Variants in MACROD1 observed in about 807,000 individuals in gnomAD.
MACROD1 encodes mono-ADP ribosylhydrolase 1.
In MACROD1, 31 loss-of-function variants were observed where a neutral mutation model predicts 41.4. The observed-to-expected ratio is 0.75, with a 90% CI of 0.56 to 1.01. The LOEUF (loss-of-function observed/expected upper bound fraction) is 1.01. Among genes scored for constraint, MACROD1 ranks in the 50% least tolerant of loss-of-function variants. The probability of loss-of-function intolerance (pLI) is 0.00; values close to 1 mark genes in which losing one functional copy is unlikely to be tolerated. For synonymous variants in MACROD1, 252 were observed against 203.4 expected (o/e 1.24, Z -2.03); for missense variants, 473 against 460.0 (o/e 1.03, Z -0.26).
intron 3 of MACROD1, among the ~76,000 whole-genome samples, chr11:64,074,051 G>A (rs1012990381): frequency 5.3e-5 from 8 of 152,180 alleles, no homozygotes; most frequent in Non-Finnish European, 8.8e-5. Flanking sequence ...CTGTCAGCCC[G>A]GCCAGCTGGG....
At chr11:64,020,299 AG>A (rs752541139) in intron 3 of MACROD1, among the ~76,000 whole-genome samples, 3 of 152,190 alleles carry the variant, frequency 2.0e-5, no homozygotes, top group Non-Finnish European at 4.4e-5. Context: ...CCTGTTTTAC[AG>A]ATGAGGACGC....
intron 3 of MACROD1, among the ~76,000 whole-genome samples, chr11:64,078,515 C>G (rs1369522233): frequency 1.3e-5 from 2 of 152,188 alleles, no homozygotes; most frequent in Non-Finnish European, 2.9e-5. Context: ...CTTGCAGCAT[C>G]GGAGGGATAC....
At chr11:64,086,862 A>C (rs1025135686) in intron 3 of MACROD1, 10 of 152,140 alleles carry the variant, frequency 6.6e-5, no homozygotes, top group Admixed American at 6.5e-4. Flanking sequence ...CTGGGGATGG[A>C]GCTGGGAGGG....
At chr11:63,999,486 G>A (rs772353394) in intron 7 of MACROD1, 44 bp downstream of exon 7, 4 of 1,582,792 alleles carry the variant, frequency 2.5e-6, no homozygotes, top group Non-Finnish European at 3.4e-6. Flanking sequence ...CCGGCGTCTG[G>A]GTCCACCGCC....
chr11:64,056,605 G>A (rs761159153), intron 3 of MACROD1, among the ~76,000 whole-genome samples: 1 of 152,234 alleles, frequency 6.6e-6, no homozygotes, highest in South Asian at 2.1e-4. Flanking sequence ...CCCTGAGTCC[G>A]GATGGCAGCA....
intron 2 of MACROD1, among the ~76,000 whole-genome samples, chr11:64,151,860 T>C (rs905624038): frequency 1.3e-5 from 2 of 152,146 alleles, no homozygotes; most frequent in Non-Finnish European, 2.9e-5. Flanking sequence ...CAGGCGCAGT[T>C]GCTGACGCCT....
At chr11:64,094,562 G>A (rs1298571269) in intron 3 of MACROD1, among the ~76,000 whole-genome samples, 2 of 152,148 alleles carry the variant, frequency 1.3e-5, no homozygotes, top group South Asian at 4.1e-4. Flanking sequence ...AAGGCCTCCT[G>A]AGTCATCCAT....
At chr11:64,158,514 A>T (rs1340293854) in intron 1 of MACROD1, among the ~76,000 whole-genome samples, 2 of 152,120 alleles carry the variant, frequency 1.3e-5, no homozygotes, top group Non-Finnish European at 2.9e-5. Context: ...AAGTGCTGGG[A>T]TTACAGGCGT....
At chr11:64,030,963 C>A (rs1216409469) in intron 3 of MACROD1, among the ~76,000 whole-genome samples, 2 of 151,532 alleles carry the variant, frequency 1.3e-5, no homozygotes, top group Non-Finnish European at 2.9e-5. Context: ...GTTGGCCAGG[C>A]TCTGGGCTGA....
chr11:64,105,906 G>A (rs755434227), intron 3 of MACROD1, among the ~76,000 whole-genome samples: 4 of 148,824 alleles, frequency 2.7e-5, no homozygotes, highest in Non-Finnish European at 5.9e-5. Context: ...GCAGACAATC[G>A]CTGAGGTCCT....
In MACROD1 at chr11:64,122,230, C is replaced by T. The variant is rs1945110434; in HGVS notation, c.517+29009G>A. 6.6e-6 allele frequency among the ~76,000 whole-genome samples: 1 copy of T among 152,252 alleles called. No homozygotes were observed. Among genetic ancestry groups the T allele is most frequent in the Admixed American group, 6.5e-5 (1 of 15,284 alleles). On this transcript the variant is annotated intron_variant, in intron 3 of 10. Coordinates refer to ENST00000255681, the MANE Select transcript of MACROD1 (RefSeq NM_014067.4). The surrounding 1 kb of genome is among the most constrained non-coding windows in gnomAD (Gnocchi z 4.0). ...CCCTCCCCACGGCCTCCCGCCACAG[C>T]CTCCATCTTCTCTAAATAGGCTGGG...
intron 3 of MACROD1, chr11:64,149,031 GAGTCTA>G: frequency 7.1e-6 from 7 of 985,354 alleles, no homozygotes; most frequent in Non-Finnish European, 7.2e-6. Flanking sequence ...CTGGCTGTGA[GAGTCTA>G]GAACAAAAAG....
At chr11:64,073,316 A>G (rs1944142587) in intron 3 of MACROD1, among the ~76,000 whole-genome samples, 1 of 152,172 alleles carries the variant, frequency 6.6e-6, no homozygotes, top group Admixed American at 6.5e-5. Context: ...CTGTGCCCCC[A>G]GCAGACTCCC....
At chr11:64,165,577 G>T (rs1226887584) in intron 1 of MACROD1, 120 bp downstream of exon 1, 2 of 881,468 alleles carry the variant, frequency 2.3e-6, no homozygotes, top group South Asian at 2.7e-5. Flanking sequence ...GGGCAGATGG[G>T]GCCTCAACTT....
intron 3 of MACROD1, among the ~76,000 whole-genome samples, chr11:64,075,443 A>G (rs912371561): frequency 1.3e-5 from 2 of 152,194 alleles, no homozygotes; most frequent in East Asian, 3.8e-4. Flanking sequence ...GATGGAAGCA[A>G]CCGAAGCTCA....
chr11:64,116,835 A>T, intron 3 of MACROD1: 1 of 1,612,996 alleles, frequency 6.2e-7, no homozygotes, highest in Non-Finnish European at 8.5e-7. Context: ...GAACCACCTG[A>T]GCAGCATCCC....
At chr11:64,026,763 C>T (rs1943229047) in intron 3 of MACROD1, among the ~76,000 whole-genome samples, 1 of 152,126 alleles carries the variant, frequency 6.6e-6, no homozygotes, top group Admixed American at 6.5e-5. Flanking sequence ...CTGGCTCTTT[C>T]ATGCCCCAGG....
At chr11:64,155,011 G>A (rs554868203) in intron 1 of MACROD1, among the ~76,000 whole-genome samples, 2 of 152,336 alleles carry the variant, frequency 1.3e-5, no homozygotes, top group South Asian at 2.1e-4. Context: ...GAGCCACGGC[G>A]CCGGCCCCCT....
chr11:64,113,201 T>C (rs1479465509), intron 3 of MACROD1, among the ~76,000 whole-genome samples: 2 of 152,232 alleles, frequency 1.3e-5, no homozygotes, highest in African/African-American at 4.8e-5. Flanking sequence ...ACTGACCTCA[T>C]GTTTGTTGGG....
Sources: allele counts gnomAD v4.1 joint callset (sites outside exome capture counted in the v4.1 genomes callset), GRCh38; gene constraint gnomAD v4.1.1; non-coding constraint Gnocchi (gnomAD v3.1); transcripts MANE v1.5; gene names NCBI Gene and HGNC (gene_info 2026-07-23, HGNC 2026-07-21).